TGS1: variants seen among roughly 807,000 people sequenced by gnomAD.
The protein encoded by TGS1 is trimethylguanosine synthase 1, also known as trimethylguanosine synthase.
In TGS1, 69 loss-of-function variants were observed where a neutral mutation model predicts 92.2. The observed-to-expected ratio is 0.75, with a 90% CI of 0.62 to 0.91. TGS1 has a LOEUF of 0.91. Ranked by LOEUF, TGS1 falls within the 40% of genes least tolerant of loss-of-function variation. The pLI is 0.00. For synonymous variants in TGS1, 345 were observed against 338.1 expected (o/e 1.02, Z -0.22); for missense variants, 1,062 against 1,001.2 (o/e 1.06, Z -0.82).
chr8:55,805,881 TAAAA>T (rs60887117), intron 10 of TGS1, among the ~76,000 whole-genome samples: 1,906 of 119,190 alleles, frequency 0.016, 44 homozygotes, highest in African/African-American at 0.057. Context: ...GACTCCATCT[TAAAA>T]AAAAAAAAAA....
At position 55,802,230 on chromosome 8, in the gene TGS1, A is replaced by G. The variant is rs571085550; in HGVS notation, c.1850-227A>G. Among the ~76,000 whole-genome samples the G allele has an allele frequency of 3.3e-5, 5 of 152,280 alleles. No homozygotes were observed. In the South Asian group the frequency reaches 1.0e-3, roughly 32 times the overall value. ...ATAAATGAATGAATGAATGGAGCTT[A>G]AAGACCCTCGGTTACTTTCCCAAGC... On this transcript the variant is annotated intron_variant, in intron 8 of 12. Transcript: ENST00000260129.
chr8:55,781,703 A>T (rs915418938), intron 1 of TGS1, among the ~76,000 whole-genome samples: 1 of 152,326 alleles, frequency 6.6e-6, no homozygotes, highest in African/African-American at 2.4e-5. Flanking sequence ...GTCACCACCT[A>T]CTTTACATTT....
chr8:55,817,830 CAG>C (rs1005673223), intron 12 of TGS1, among the ~76,000 whole-genome samples: 1 of 152,220 alleles, frequency 6.6e-6, no homozygotes, highest in Non-Finnish European at 1.5e-5. Context: ...CTTTACAACT[CAG>C]AGCACTCACA....
At chr8:55,773,769 A>G (rs771662802) in intron 1 of TGS1, 50 bp downstream of exon 1, 15 of 1,445,414 alleles carry the variant, frequency 1.0e-5, no homozygotes, top group African/African-American at 1.4e-5. Flanking sequence ...CATTACCCAG[A>G]AATGTAGGTA....
chr8:55,781,744 G>A (rs1470240724), intron 1 of TGS1, among the ~76,000 whole-genome samples: 2 of 152,190 alleles, frequency 1.3e-5, no homozygotes, highest in Non-Finnish European at 2.9e-5. Context: ...GAAGCAAGAG[G>A]ATGTGAAATA....
intron 1 of TGS1, among the ~76,000 whole-genome samples, chr8:55,778,866 C>G (rs146821155): frequency 3.3e-5 from 5 of 152,216 alleles, no homozygotes; most frequent in Non-Finnish European, 7.4e-5. Context: ...TTTCAGCCGC[C>G]CGAGTGTCAG....
rs1248571250 is a variant in TGS1, at chr8:55,796,069, C to G, written c.1459C>G (p.Gln487Glu). Residue 487 changes from glutamine to glutamate, a missense_variant, in exon 7 of 13, where the codon CAA becomes GAA. By Grantham distance (29) the Gln-to-Glu change is conservative. Coordinates refer to ENST00000260129, the MANE Select transcript of TGS1 (RefSeq NM_024831.8). Reference sequence around the variant, plus strand: ...GTCTAAGTACCTAGACATGCGCAGACAAATAAAGATGAAAAACAAACACAT... The same window carrying G: ...GTCTAAGTACCTAGACATGCGCAGAGAAATAAAGATGAAAAACAAACACAT... ...LKSKYLDMRR[Q>E]IKMKNKHIFF... 2.5e-6 allele frequency: 4 copies of G among 1,612,500 alleles called. No individual in the cohort carries two copies. The African/African-American group carries it at 4.0e-5, about 16-fold the overall frequency.
rs1803328366 is a variant in TGS1, at chr8:55,811,114, T to C, written c.2360+17T>C. ...TCCTGATGGATATCCTTTGGAAGTC[T>C]TAAGAGTTTACTGAAACAATGATTG... On this transcript the variant is annotated intron_variant, in intron 11 of 12. Coordinates refer to ENST00000260129, the MANE Select transcript of TGS1 (RefSeq NM_024831.8). The C allele has an allele frequency of 6.3e-7, 1 of 1,583,532 alleles. No individual in the cohort carries two copies. Among genetic ancestry groups the C allele is most frequent in the Non-Finnish European group, 8.6e-7 (1 of 1,157,292 alleles).
chr8:55,799,096 C>T lies in TGS1; in HGVS notation c.1725C>T (p.Ser575=). ...ATCCAGAACCTGAAAAGTGTCAGAG[C>T]GTATCTTCAGCTGGTGAACTTGAAA... ...TNNPEPEKCQ[S]VSSAGELETE... The change falls in exon 8 of 13, where the codon AGC becomes AGT. Residue 575 remains serine, a synonymous_variant. Transcript: ENST00000260129. 5.0e-6 allele frequency: 8 copies of T among 1,614,094 alleles called. No individual in the cohort carries two copies. Among genetic ancestry groups the T allele is most frequent in the South Asian group, 3.3e-5 (3 of 91,082 alleles).
At position 55,786,367 on chromosome 8, in the gene TGS1, C is replaced by G; in HGVS notation, c.469C>G (p.Pro157Ala). 6.2e-7 allele frequency: 1 copy of G among 1,613,390 alleles called. No homozygotes were observed. The highest frequency in any genetic ancestry group is 8.5e-7 in the Non-Finnish European group (1 of 1,179,822). The change falls in exon 4 of 13, where the codon CCA (proline) becomes GCA (alanine). Residue 157 changes from proline (P) to alanine (A), a missense_variant. Coordinates refer to ENST00000260129, the MANE Select transcript of TGS1 (RefSeq NM_024831.8). ...EEDDILASDD[P>A]SSIEQYENTR... The stretch of plus-strand genomic sequence containing the variant: ...AGACGACATTTTGGCTTCAGATGAT[C>G]CATCTTCAATTGAACAGTATGAGAA...
chr8:55,781,755 G>A (rs1811569681), intron 1 of TGS1, among the ~76,000 whole-genome samples: 1 of 152,226 alleles, frequency 6.6e-6, no homozygotes, highest in Non-Finnish European at 1.5e-5. Context: ...ATGTGAAATA[G>A]AGCAAGTACA....
At position 55,776,277 on chromosome 8, in the gene TGS1, CTTTTTTTTT is replaced by C. The variant is rs71256565; in HGVS notation, c.101+2571_101+2579del. Among the ~76,000 whole-genome samples, 2 of 120,526 alleles carry C rather than the reference CTTTTTTTTT, an allele frequency of 1.7e-5. 1 individual carries two copies. The highest frequency in any genetic ancestry group is 6.4e-5 in the African/African-American group (2 of 31,406). The allele number at this position is 120,526 out of a possible 152,430, so 79.1% of individuals were successfully genotyped here. A position where few individuals can be genotyped will look rare whatever the true frequency, so the allele number is the denominator to read the frequency against. ...AACTGGACAGGGGTCTTCACGGTGTCTTTTTTTTTTTTTTTTTTTTTGAGACAGAGTCTC... is the reference window on the plus strand; with the variant it reads ...AACTGGACAGGGGTCTTCACGGTGTCTTTTTTTTTTTTGAGACAGAGTCTC... On this transcript the variant is annotated intron_variant, in intron 1 of 12. Transcript: ENST00000260129.
chr8:55,786,265 A>AG lies in TGS1; in HGVS notation c.367_368insG (p.Lys123ArgfsTer14). On this transcript the variant is annotated frameshift_variant, in exon 4 of 13. Coordinates refer to ENST00000260129, the MANE Select transcript of TGS1 (RefSeq NM_024831.8). LOFTEE classifies it high-confidence loss of function. ...ATCTATGAATACTAGAAATAAAGTT[A>AG]AAATAAAAAAGAAAAAACATCAAAA... is the stretch of plus-strand genomic sequence containing the variant. 6.8e-7 allele frequency: 1 copy of AG among 1,473,624 alleles called. No homozygotes were observed. The highest frequency in any genetic ancestry group is 2.4e-5 in the East Asian group (1 of 41,258). The allele number at this position is 1,473,624 out of a possible 1,614,324, so 91.3% of individuals were successfully genotyped here. A position where few individuals can be genotyped will look rare whatever the true frequency, so the allele number is the denominator to read the frequency against.
chr8:55,792,222 C>T (rs1477829161), intron 5 of TGS1, among the ~76,000 whole-genome samples: 2 of 152,130 alleles, frequency 1.3e-5, no homozygotes, highest in Non-Finnish European at 2.9e-5. Context: ...GGTGGATTCT[C>T]CTGGGTTACC....
intron 1 of TGS1, among the ~76,000 whole-genome samples, chr8:55,775,397 A>G (rs1406595069): frequency 6.6e-6 from 1 of 152,246 alleles, no homozygotes; most frequent in African/African-American, 2.4e-5. Context: ...CATATTTAAA[A>G]TACTACTCAG....
chr8:55,812,495 CAA>C (rs59611291), intron 11 of TGS1, among the ~76,000 whole-genome samples: 18 of 98,312 alleles, frequency 1.8e-4, no homozygotes, highest in Admixed American at 8.0e-4. Flanking sequence ...GACTCTGTCT[CAA>C]AAAAAAAAAA....
intron 5 of TGS1, among the ~76,000 whole-genome samples, chr8:55,791,419 G>A (rs1563456205): frequency 6.6e-6 from 1 of 152,168 alleles, no homozygotes; most frequent in Admixed American, 6.5e-5. Flanking sequence ...AACTGCAGAG[G>A]CCTAACCATA....
intron 1 of TGS1, among the ~76,000 whole-genome samples, chr8:55,777,345 C>T (rs535189698): frequency 6.6e-6 from 1 of 151,138 alleles, no homozygotes; most frequent in South Asian, 2.1e-4. Flanking sequence ...GATCTTCCCA[C>T]CCTTCGTATC....
At chr8:55,782,979 G>C (rs575847597) in intron 2 of TGS1, among the ~76,000 whole-genome samples, 167 bp downstream of exon 2, 10 of 152,108 alleles carry the variant, frequency 6.6e-5, no homozygotes, top group Admixed American at 2.6e-4. Context: ...CATGGTTCTG[G>C]AATCTCTATG....
Sources: allele counts gnomAD v4.1 joint callset (sites outside exome capture counted in the v4.1 genomes callset), GRCh38; gene constraint gnomAD v4.1.1; transcripts MANE v1.5; gene names NCBI Gene and HGNC (gene_info 2026-07-23, HGNC 2026-07-21).